Variants in SLC4A7 observed in about 807,000 individuals in gnomAD.
The protein encoded by SLC4A7 is sodium bicarbonate cotransporter 3.
SLC4A7 carries 51 observed loss-of-function variants against 137.6 expected under a neutral mutation model. The ratio of observed to expected loss-of-function variants is 0.37; its 90% CI spans 0.30 to 0.47. SLC4A7 has a LOEUF of 0.47. Ranked by LOEUF, SLC4A7 falls within the 20% of genes least tolerant of loss-of-function variation. The pLI, the probability that SLC4A7 is intolerant of heterozygous loss-of-function variation, is 1.00. For missense variants in SLC4A7, 1,247 were observed against 1,525.4 expected (o/e 0.82, Z 3.04); for synonymous variants, 542 against 518.6 (o/e 1.05, Z -0.61).
chr3:27,390,899 C>T (rs1023321831), intron 21 of SLC4A7, among the ~76,000 whole-genome samples: 1 of 152,032 alleles, frequency 6.6e-6, no homozygotes, highest in Non-Finnish European at 1.5e-5. Context: ...CTACAGCTCA[C>T]AGCAGCCTCA....
chr3:27,463,309 T>G (rs558173826), intron 1 of SLC4A7, among the ~76,000 whole-genome samples: 150 of 152,136 alleles, frequency 9.9e-4, no homozygotes, highest in African/African-American at 3.5e-3. Context: ...CGGGCGCCTA[T>G]AGTCCAGCTA....
In SLC4A7 at chr3:27,398,330, T is replaced by C. The variant is rs1576198779; in HGVS notation, c.2451A>G (p.Val817=). The C allele has an allele frequency of 6.2e-7, 1 of 1,604,096 alleles. No individual in the cohort carries two copies. The highest frequency in any genetic ancestry group is 8.5e-7 in the Non-Finnish European group (1 of 1,176,530). ...GATGACCACAAGCTGACCCCAAGAA[T>C]ACACCACGAAGTTTTTTACATTCCT... is the stretch of plus-strand genomic sequence containing the variant. ...TVSECKKLRG[V]FLGSACGHHG... is the part of the protein sequence containing the mutation. Residue 817 remains valine, a synonymous_variant, in exon 17 of 26, where the codon GTA becomes GTG. Coordinates refer to ENST00000454389, the MANE Select transcript of SLC4A7 (RefSeq NM_001321103.2).
intron 1 of SLC4A7, among the ~76,000 whole-genome samples, chr3:27,482,099 C>A (rs1219550564): frequency 6.6e-6 from 1 of 152,170 alleles, no homozygotes; most frequent in African/African-American, 2.4e-5. Flanking sequence ...GGCCATTGCG[C>A]TCCAGCCTGG....
At chr3:27,411,359 C>T (rs1196204342) in intron 12 of SLC4A7, among the ~76,000 whole-genome samples, 4 of 151,988 alleles carry the variant, frequency 2.6e-5, no homozygotes, top group Non-Finnish European at 4.4e-5. Context: ...CAAGAACCTT[C>T]TGTATAAGCA....
At chr3:27,448,211 C>A (rs2057809569) in intron 3 of SLC4A7, among the ~76,000 whole-genome samples, 2 of 107,566 alleles carry the variant, frequency 1.9e-5, no homozygotes, top group African/African-American at 3.6e-5. Context: ...AGTAAGACTC[C>A]ATCTCAAAAA....
chr3:27,374,574 G>C lies in SLC4A7; in HGVS notation c.*2190C>G, dbSNP rs2049775232. On this transcript the variant is annotated 3_prime_UTR_variant, in exon 26 of 26. Coordinates refer to ENST00000454389, the MANE Select transcript of SLC4A7 (RefSeq NM_001321103.2). Reference sequence around the variant, plus strand: ...ATGGAGTAGTCAGATCATTTTGTCAGTCAAGTAGTCAAAAGAAAGCAGAAA... The same window carrying C: ...ATGGAGTAGTCAGATCATTTTGTCACTCAAGTAGTCAAAAGAAAGCAGAAA... 1 of 152,486 alleles carries C rather than the reference G, an allele frequency of 6.6e-6. No individual in the cohort carries two copies. The highest frequency in any genetic ancestry group is 6.5e-5 in the Admixed American group (1 of 15,270). The allele number at this position is 152,486 out of a possible 1,614,324, so 9.4% of individuals were successfully genotyped here. A position where few individuals can be genotyped will look rare whatever the true frequency, so the allele number is the denominator to read the frequency against.
chr3:27,466,734 G>A (rs530313174), intron 1 of SLC4A7, among the ~76,000 whole-genome samples: 1 of 151,794 alleles, frequency 6.6e-6, no homozygotes, highest in Admixed American at 6.5e-5. Flanking sequence ...GTGCGCGCCT[G>A]TAGTCCCAGC....
At chr3:27,434,530 G>A (rs930572656) in intron 5 of SLC4A7, among the ~76,000 whole-genome samples, 4 of 152,204 alleles carry the variant, frequency 2.6e-5, no homozygotes, top group Non-Finnish European at 5.9e-5. Flanking sequence ...CTGAGCGTCC[G>A]CTGTGTGTTG....
chr3:27,436,624 A>G (rs2056757657), intron 4 of SLC4A7, 76 bp from the exon 5 acceptor site: 5 of 914,650 alleles, frequency 5.5e-6, no homozygotes, highest in Non-Finnish European at 7.8e-6. Context: ...ATAAAGAAAC[A>G]TTTGTTCTTT....
intron 1 of SLC4A7, among the ~76,000 whole-genome samples, chr3:27,459,980 TATATATATATAC>T (rs1165465664): frequency 1.0e-5 from 1 of 95,490 alleles, no homozygotes; most frequent in Non-Finnish European, 2.3e-5. Flanking sequence ...TTTATATATA[TATATATATATAC>T]ACACACACAC....
intron 24 of SLC4A7, among the ~76,000 whole-genome samples, chr3:27,382,813 A>C (rs1007221824): frequency 6.6e-6 from 1 of 152,220 alleles, no homozygotes; most frequent in African/African-American, 2.4e-5. Context: ...GCACAAAGGA[A>C]AAAGCCACAC....
chr3:27,453,639 T>C (rs534984745), intron 1 of SLC4A7, among the ~76,000 whole-genome samples: 1 of 152,268 alleles, frequency 6.6e-6, no homozygotes, highest in East Asian at 1.9e-4. Flanking sequence ...TAAACTGACA[T>C]ACAATTGTTG....
chr3:27,483,622 G>C (rs1008272669), intron 1 of SLC4A7, among the ~76,000 whole-genome samples: 1 of 152,222 alleles, frequency 6.6e-6, no homozygotes, highest in African/African-American at 2.4e-5. Flanking sequence ...TGGAGCCGCC[G>C]TCCTCCTTAG....
chr3:27,388,178 A>G (rs2051166279), intron 22 of SLC4A7, among the ~76,000 whole-genome samples: 1 of 152,184 alleles, frequency 6.6e-6, no homozygotes, highest in South Asian at 2.1e-4. Flanking sequence ...AAATATGTTA[A>G]TAATTGCTTT....
rs2052336486 is a variant in SLC4A7 at position 27,397,699 on chromosome 3, A to T, written c.2688T>A (p.Val896=). ...TAATCCTTACCTCAAATTTTTCAGG[A>T]ACATGAAGTTTAGGAGATGGAACTC... ...LVGVPSPKLH[V]PEKFEPTHPE... Residue 896 remains valine (V), a synonymous_variant, in exon 18 of 26, where the codon GTT becomes GTA. Transcript: ENST00000454389. The T allele has an allele frequency of 6.3e-7, 1 of 1,591,514 alleles. No individual in the cohort carries two copies. Among genetic ancestry groups the T allele is most frequent in the Admixed American group, 1.7e-5 (1 of 59,378 alleles).
intron 1 of SLC4A7, among the ~76,000 whole-genome samples, chr3:27,471,257 T>A (rs1371216853): frequency 3.9e-5 from 6 of 152,224 alleles, no homozygotes; most frequent in Non-Finnish European, 8.8e-5. Context: ...TGGAAAAGAT[T>A]CAATCTGCAG....
At chr3:27,421,454 C>T (rs575039351) in intron 9 of SLC4A7, among the ~76,000 whole-genome samples, 168 bp downstream of exon 9, 1 of 152,170 alleles carries the variant, frequency 6.6e-6, no homozygotes, top group African/African-American at 2.4e-5. Context: ...TGAAATTGTG[C>T]CACTGCACTC....
intron 1 of SLC4A7, among the ~76,000 whole-genome samples, chr3:27,455,233 C>CA (rs1409623353): frequency 6.6e-6 from 1 of 152,054 alleles, no homozygotes; most frequent in Non-Finnish European, 1.5e-5. Flanking sequence ...AAACCAGACC[C>CA]AAAAAATGGA....
In SLC4A7 at chr3:27,484,143, C is replaced by G. The variant is rs1057016217; in HGVS notation, c.-17G>C. On this transcript the variant is annotated 5_prime_UTR_variant, in exon 1 of 26. Coordinates refer to ENST00000454389, the MANE Select transcript of SLC4A7 (RefSeq NM_001321103.2). Reference sequence around the variant, plus strand: ...AGCCTCCATGGCCGGCCGGCCAGCCCGTGACGGCCGCTACGGTACTGCCCC... The same window carrying G: ...AGCCTCCATGGCCGGCCGGCCAGCCGGTGACGGCCGCTACGGTACTGCCCC... 7.3e-6 allele frequency: 10 copies of G among 1,361,304 alleles called. No homozygotes were observed. Among genetic ancestry groups the G allele is most frequent in the Non-Finnish European group, 5.7e-6 (6 of 1,053,938 alleles). The allele number at this position is 1,361,304 out of a possible 1,614,324, so 84.3% of individuals were successfully genotyped here. A position where few individuals can be genotyped will look rare whatever the true frequency, so the allele number is the denominator to read the frequency against.
Sources: allele counts gnomAD v4.1 joint callset (sites outside exome capture counted in the v4.1 genomes callset), GRCh38; gene constraint gnomAD v4.1.1; transcripts MANE v1.5; gene names NCBI Gene and HGNC (gene_info 2026-07-23, HGNC 2026-07-21).